GSG1L: variants seen among roughly 807,000 people sequenced by gnomAD.
GSG1L encodes germ cell-specific gene 1-like protein.
GSG1L carries 24 observed loss-of-function variants against 42.1 expected under a neutral mutation model. That is an observed-to-expected ratio of 0.57 (90% CI 0.41 to 0.80). GSG1L has a LOEUF of 0.80. Among genes scored for constraint, GSG1L ranks in the 30% least tolerant of loss-of-function variants. GSG1L has a pLI of 0.00. For synonymous variants in GSG1L, 215 were observed against 203.5 expected, an observed-to-expected ratio of 1.06 and a Z score of -0.48; for missense variants, 445 against 472.2, an observed-to-expected ratio of 0.94 and a Z score of 0.53.
chr16:27,926,043 A>G (rs1751180329), intron 2 of GSG1L, among the ~76,000 whole-genome samples: 2 of 152,224 alleles, frequency 1.3e-5, no homozygotes, highest in South Asian at 4.1e-4. Context: ...TTTGTTTGTT[A>G]ATTGAGGCGG....
intron 2 of GSG1L, among the ~76,000 whole-genome samples, chr16:27,916,486 CTTTTT>C (rs35176989): frequency 8.7e-6 from 1 of 114,852 alleles, no homozygotes. Flanking sequence ...ATTTTTAATC[CTTTTT>C]TTTTTTTTTT....
At chr16:27,926,363 C>T (rs13339017) in intron 2 of GSG1L, among the ~76,000 whole-genome samples, 121 of 152,212 alleles carry the variant, frequency 7.9e-4, no homozygotes, top group African/African-American at 2.7e-3. Context: ...TGGGTGGAGG[C>T]GGCAGACAAC....
chr16:27,890,451 T>C (rs546434758), intron 2 of GSG1L, among the ~76,000 whole-genome samples: 1 of 152,114 alleles, frequency 6.6e-6, no homozygotes, highest in South Asian at 2.1e-4. Context: ...ATGGAAACAG[T>C]TCTTGGAGGC....
At chr16:27,855,719 CAAAA>C (rs397686463) in intron 3 of GSG1L, among the ~76,000 whole-genome samples, 2 of 61,724 alleles carry the variant, frequency 3.2e-5, no homozygotes, top group Non-Finnish European at 6.5e-5. Context: ...GACTCAGTCT[CAAAA>C]AAAAAAAAAA....
chr16:27,916,438 C>A (rs912794260), intron 2 of GSG1L, among the ~76,000 whole-genome samples: 1 of 151,954 alleles, frequency 6.6e-6, no homozygotes, highest in African/African-American at 2.4e-5. Flanking sequence ...ACCTCAGCCT[C>A]CCAAGTAGTT....
chr16:27,879,470 C>T (rs1295465415), intron 3 of GSG1L, among the ~76,000 whole-genome samples: 1 of 152,078 alleles, frequency 6.6e-6, no homozygotes, highest in Non-Finnish European at 1.5e-5. Context: ...AAAAAATTAG[C>T]TGGGCATGAT....
intron 1 of GSG1L, among the ~76,000 whole-genome samples, chr16:28,023,158 TTTTG>T (rs1490341341): frequency 2.6e-5 from 4 of 152,156 alleles, no homozygotes; most frequent in South Asian, 2.1e-4. Flanking sequence ...TTTAAAAGGT[TTTTG>T]TTTAAGAAAA....
chr16:27,867,626 C>A (rs564219634), intron 3 of GSG1L, among the ~76,000 whole-genome samples: 78 of 152,368 alleles, frequency 5.1e-4, no homozygotes, highest in African/African-American at 1.7e-3. Flanking sequence ...TACGACAGGG[C>A]TTTGGCCTCG....
chr16:28,052,115 G>C (rs762594754), intron 1 of GSG1L, among the ~76,000 whole-genome samples: 3 of 151,914 alleles, frequency 2.0e-5, no homozygotes, highest in Non-Finnish European at 4.4e-5. Context: ...GGGAGAGAGA[G>C]AAAGGAGTCA....
chr16:27,879,370 C>T (rs1157311898), intron 3 of GSG1L, among the ~76,000 whole-genome samples: 5 of 152,028 alleles, frequency 3.3e-5, no homozygotes, highest in African/African-American at 4.8e-5. Context: ...TTTGGGAGGC[C>T]GAGGAAGGAG....
intron 5 of GSG1L, among the ~76,000 whole-genome samples, chr16:27,818,975 C>T (rs1293774168): frequency 3.9e-5 from 6 of 152,206 alleles, no homozygotes; most frequent in East Asian, 3.9e-4. Context: ...CTCGGCCGGG[C>T]GCGGTGGCTC....
intron 2 of GSG1L, among the ~76,000 whole-genome samples, chr16:27,896,344 C>T (rs915321097): frequency 2.0e-4 from 30 of 152,168 alleles, no homozygotes; most frequent in African/African-American, 7.0e-4. Context: ...GTGTCCCCTT[C>T]CTAATCCCTG....
chr16:27,855,745 C>T (rs2083570009), intron 3 of GSG1L, among the ~76,000 whole-genome samples: 1 of 147,566 alleles, frequency 6.8e-6, no homozygotes, highest in East Asian at 2.0e-4. Context: ...AAAAAAGAGA[C>T]CAACGGAACA....
At chr16:27,811,804 A>G (rs1434387757) in intron 5 of GSG1L, among the ~76,000 whole-genome samples, 1 of 152,062 alleles carries the variant, frequency 6.6e-6, no homozygotes, top group Admixed American at 6.5e-5. Flanking sequence ...GTGTGCCACC[A>G]TGTTTGGTTA....
At chr16:28,031,024 G>A (rs1226090278) in intron 1 of GSG1L, among the ~76,000 whole-genome samples, 2 of 149,172 alleles carry the variant, frequency 1.3e-5, no homozygotes, top group African/African-American at 2.5e-5. Context: ...GGATGGGATT[G>A]GATGGGATGG....
chr16:27,812,487 C>T (rs1597466716), intron 5 of GSG1L, among the ~76,000 whole-genome samples: 1 of 152,324 alleles, frequency 6.6e-6, no homozygotes, highest in East Asian at 1.9e-4. Context: ...GAGATGGAAA[C>T]AAATGGGTGT....
At chr16:27,994,926 G>T (rs1157248173) in intron 1 of GSG1L, among the ~76,000 whole-genome samples, 1 of 152,150 alleles carries the variant, frequency 6.6e-6, no homozygotes, top group Non-Finnish European at 1.5e-5. Flanking sequence ...GTACACAGCT[G>T]CCATGGATAT....
At chr16:27,957,255 G>A (rs1208234457) in intron 2 of GSG1L, among the ~76,000 whole-genome samples, 3 of 152,174 alleles carry the variant, frequency 2.0e-5, no homozygotes, top group Admixed American at 6.6e-5. Context: ...GCTGAGTCAC[G>A]AGAATCACTT....
intron 1 of GSG1L, among the ~76,000 whole-genome samples, chr16:28,021,918 G>C (rs1178380388): frequency 6.6e-6 from 1 of 152,184 alleles, no homozygotes; most frequent in African/African-American, 2.4e-5. Context: ...CATCCTCACA[G>C]CATGGTGCCT....
Sources: gnomAD v4.1 joint callset for allele counts (sites outside exome capture counted in the v4.1 genomes callset) on GRCh38, gnomAD v4.1.1 for gene constraint, MANE v1.5 for transcripts, NCBI Gene and HGNC (gene_info 2026-07-23, HGNC 2026-07-21) for gene names.